The following PCNT variants were observed in gnomAD, a reference collection of about 807,000 sequenced individuals.
PCNT encodes kendrin.
A neutral mutation model predicts 380.4 loss-of-function variants in PCNT; 319 were observed. The ratio of observed to expected loss-of-function variants is 0.84; its 90% CI spans 0.77 to 0.92. The LOEUF (loss-of-function observed/expected upper bound fraction) is 0.92. Ranked by LOEUF, PCNT falls within the 40% of genes least tolerant of loss-of-function variation. PCNT has a pLI of 0.00. For missense variants in PCNT, 4,400 were observed against 4,255.3 expected, an observed-to-expected ratio of 1.03 and a Z score of -0.95; for synonymous variants, 1,845 against 1,735.2, an observed-to-expected ratio of 1.06 and a Z score of -1.57.
Position 46,381,808 on chromosome 21 carries a change from C to G in PCNT, c.3280C>G (p.Gln1094Glu). 6.2e-7 allele frequency: 1 copy of G among 1,614,100 alleles called. No homozygotes were observed. The highest frequency in any genetic ancestry group is 1.7e-5 in the Admixed American group (1 of 60,016). ...HQEEKESLSL[Q>E]LQKKNHQVQQ... ...AGAGGAGAAAGAGTCTTTGTCTCTG[C>G]AGCTTCAAAAGAAGAATCACCAAGT... The change falls in exon 16 of 47, where the codon CAG becomes GAG. Residue 1094 changes from glutamine to glutamate, a missense_variant. Physicochemically the swap from Gln to Glu is conservative, Grantham distance 29. Transcript: ENST00000359568.
In PCNT at chr21:46,388,811, C is replaced by T. The variant is rs760509157; in HGVS notation, c.3534C>T (p.Thr1178=). The change falls in exon 18 of 47, where the codon ACC becomes ACT. Residue 1178 remains threonine (T), a synonymous_variant. Transcript: ENST00000359568. This position sits in a 1 kb window ranked among gnomAD's most constrained non-coding sequence, Gnocchi z 4.2. ...LFGETLRAAV[T]LRSRIGERVG... ...GAGAGACGCTGAGGGCAGCCGTCAC[C>T]CTGAGGAGCCGGATCGGGGAGCGCG... is the stretch of plus-strand genomic sequence containing the variant. The T allele has an allele frequency of 2.5e-6, 4 of 1,613,314 alleles. No homozygotes were observed. The highest frequency in any genetic ancestry group is 2.2e-5 in the East Asian group (1 of 44,888).
intron 38 of PCNT, 112 bp from the exon 39 acceptor site, chr21:46,435,792 T>G (rs2053422463): frequency 8.1e-7 from 1 of 1,229,976 alleles, no homozygotes; most frequent in Middle Eastern, 2.2e-4. Context: ...TCTGCCCGCC[T>G]CGGCCTCCCA....
At chr21:46,438,129 A>G in intron 40 of PCNT, 35 bp from the exon 41 acceptor site, 2 of 1,576,614 alleles carry the variant, frequency 1.3e-6, no homozygotes, top group South Asian at 1.1e-5. Context: ...CCCTTTAACA[A>G]CAAATTCTTA....
At chr21:46,424,229 T>C (rs896512120) in intron 32 of PCNT, among the ~76,000 whole-genome samples, 2 of 152,204 alleles carry the variant, frequency 1.3e-5, no homozygotes, top group Non-Finnish European at 2.9e-5. Context: ...CCGGCCACTC[T>C]TGGCCACCTC....
chr21:46,393,260 T>C (rs190459271), intron 21 of PCNT, among the ~76,000 whole-genome samples: 2 of 152,320 alleles, frequency 1.3e-5, no homozygotes, highest in Non-Finnish European at 2.9e-5. Context: ...GAGACATGAC[T>C]CGAGATCCTG....
chr21:46,443,775 C>T (rs1202454583), intron 44 of PCNT, 35 bp from the exon 45 acceptor site: 8 of 1,610,542 alleles, frequency 5.0e-6, no homozygotes, highest in South Asian at 1.1e-5. Context: ...CATTTATTTT[C>T]CTAATCCCTT....
intron 3 of PCNT, among the ~76,000 whole-genome samples, chr21:46,338,725 C>T (rs1325005241): frequency 1.3e-5 from 2 of 151,852 alleles, no homozygotes; most frequent in Non-Finnish European, 2.9e-5. Context: ...CCTGCTTCAG[C>T]CTCCCGAGTA....
intron 3 of PCNT, among the ~76,000 whole-genome samples, chr21:46,336,537 G>T (rs1246063180): frequency 6.6e-6 from 1 of 152,190 alleles, no homozygotes; most frequent in African/African-American, 2.4e-5. Context: ...TGTGTTTGAA[G>T]CACATCCTGG....
At chr21:46,427,525 C>G in intron 33 of PCNT, 97 bp from the exon 34 acceptor site, 1 of 1,387,888 alleles carries the variant, frequency 7.2e-7, no homozygotes, top group Non-Finnish European at 1.0e-6. Flanking sequence ...TCACCTCCCG[C>G]AGGCCCCATC....
At chr21:46,392,511 A>G (rs2086067361) in intron 21 of PCNT, among the ~76,000 whole-genome samples, 1 of 152,188 alleles carries the variant, frequency 6.6e-6, no homozygotes, top group South Asian at 2.1e-4. Context: ...GTGAGCCACC[A>G]TGCCCGGCCA....
chr21:46,355,181 G>A (rs1369078794), intron 11 of PCNT, among the ~76,000 whole-genome samples: 1 of 152,134 alleles, frequency 6.6e-6, no homozygotes, highest in Non-Finnish European at 1.5e-5. Flanking sequence ...CCCGGTCCAG[G>A]GCCCTGCCGC....
intron 13 of PCNT, among the ~76,000 whole-genome samples, chr21:46,358,950 G>A (rs2084584140): frequency 6.6e-6 from 1 of 151,134 alleles, no homozygotes; most frequent in Non-Finnish European, 1.5e-5. Context: ...ACAGGTGCCC[G>A]TCACCATGCC....
intron 2 of PCNT, among the ~76,000 whole-genome samples, chr21:46,330,827 G>T (rs1320204850): frequency 6.6e-6 from 1 of 152,204 alleles, no homozygotes; most frequent in East Asian, 1.9e-4. Flanking sequence ...CCAGGCCAGG[G>T]CACTCCCCTC....
Position 46,431,919 on chromosome 21 carries a change from C to CA in PCNT, c.8456dup (p.Gln2820AlafsTer4). 1 of 1,614,122 alleles carries CA rather than the reference C, an allele frequency of 6.2e-7. No individual in the cohort carries two copies. The highest frequency in any genetic ancestry group is 2.2e-5 in the East Asian group (1 of 44,890). On this transcript the variant is annotated frameshift_variant, in exon 38 of 47. Coordinates refer to ENST00000359568, the MANE Select transcript of PCNT (RefSeq NM_006031.6). LOFTEE classifies it high-confidence loss of function. ...GGTGCAGCAGCAAGCCCTGCATTCTCAGCAGCAGCTTGAGGCTGAGGCTCA... is the reference window on the plus strand; with the variant it reads ...GGTGCAGCAGCAAGCCCTGCATTCTCAAGCAGCAGCTTGAGGCTGAGGCTCA...
chr21:46,411,055 T>C, intron 27 of PCNT, 134 bp from the exon 28 acceptor site: 1 of 961,186 alleles, frequency 1.0e-6, no homozygotes, highest in Non-Finnish European at 1.7e-6. Flanking sequence ...AGCAGTTTGC[T>C]TCTATGGCTG....
intron 15 of PCNT, among the ~76,000 whole-genome samples, chr21:46,380,713 G>A (rs10483082): frequency 0.033 from 5,039 of 152,158 alleles, 144 homozygotes; most frequent in South Asian, 0.082. Context: ...AACACTCTTC[G>A]GATGATTGCA....
chr21:46,353,440 A>G, intron 10 of PCNT, 114 bp downstream of exon 10: 2 of 872,700 alleles, frequency 2.3e-6, no homozygotes, highest in Non-Finnish European at 1.9e-6. Context: ...GGCCTTTTAT[A>G]CAAACACATT....
At chr21:46,335,091 T>C (rs1213105928) in intron 3 of PCNT, among the ~76,000 whole-genome samples, 1 of 152,226 alleles carries the variant, frequency 6.6e-6, no homozygotes, top group Non-Finnish European at 1.5e-5. Flanking sequence ...GTTTGAGGAA[T>C]GTCATGAATT....
chr21:46,406,642 T>C (rs1168537583), intron 27 of PCNT, among the ~76,000 whole-genome samples: 1 of 152,238 alleles, frequency 6.6e-6, no homozygotes, highest in African/African-American at 2.4e-5. Context: ...AAGTTAAAAC[T>C]GGCTAGGGCA....
Sources: gnomAD v4.1 joint callset for allele counts (sites outside exome capture counted in the v4.1 genomes callset) on GRCh38, gnomAD v4.1.1 for gene constraint, Gnocchi (gnomAD v3.1) non-coding constraint, MANE v1.5 for transcripts, NCBI Gene and HGNC (gene_info 2026-07-23, HGNC 2026-07-21) for gene names.